The following CFAP77 variants were observed in gnomAD, a reference collection of about 807,000 sequenced individuals.
CFAP77 encodes the protein cilia and flagella associated protein 77, also known as cilia- and flagella-associated protein 77.
A neutral mutation model predicts 31.1 loss-of-function variants in CFAP77; 25 were observed. The ratio of observed to expected loss-of-function variants is 0.80; its 90% confidence interval spans 0.59 to 1.12. The LOEUF (loss-of-function observed/expected upper bound fraction) is 1.12. Among genes scored for constraint, CFAP77 ranks in the 50% most tolerant of loss-of-function variants. The pLI, the probability that CFAP77 is intolerant of heterozygous loss-of-function variation, is 0.00. For missense variants in CFAP77, 377 were observed against 397.3 expected (o/e 0.95, Z 0.44); for synonymous variants, 151 against 159.9 (o/e 0.94, Z 0.42).
rs59890652 is a variant in CFAP77, at chr9:132,461,090, T to C, written c.196-37605T>C. On this transcript the variant is annotated intron_variant, in intron 1 of 5. Transcript: ENST00000393216. ...TAAAAAAAAATTAATGTAAAAAATG[T>C]ATGCTCATTTATTTACTCAAAGCCC... Among the ~76,000 whole-genome samples the C allele has an allele frequency of 8.8e-3, 1,345 of 152,304 alleles. 24 individuals carry two copies. Among genetic ancestry groups the C allele is most frequent in the African/African-American group, 0.031 (1,273 of 41,554 alleles).
chr9:132,452,757 G>C (rs925346071), intron 1 of CFAP77, among the ~76,000 whole-genome samples: 1 of 152,100 alleles, frequency 6.6e-6, no homozygotes, highest in Non-Finnish European at 1.5e-5. Context: ...CTGAGATGGG[G>C]TGCCTCATGC....
Position 132,441,694 on chromosome 9 carries a change from G to A in CFAP77, c.195+31228G>A, listed in dbSNP as rs77176870. 8.5e-4 allele frequency among the ~76,000 whole-genome samples: 129 copies of A among 152,300 alleles called. 1 individual carries two copies. The East Asian group carries it at 0.022, about 26-fold the overall frequency. On this transcript the variant is annotated intron_variant, in intron 1 of 5. Coordinates refer to ENST00000393216, the MANE Select transcript of CFAP77 (RefSeq NM_001282957.2). ...GGAAGTGCTTAGGCTGCCTCGGTGC[G>A]CGGAGGCAGAGTGAGCAGTGAGTTC... is the stretch of plus-strand genomic sequence containing the variant.
At chr9:132,473,370 C>G (rs796582728) in intron 1 of CFAP77, among the ~76,000 whole-genome samples, 3 of 152,304 alleles carry the variant, frequency 2.0e-5, no homozygotes, top group African/African-American at 7.2e-5. Context: ...CCCTCAGAGG[C>G]AGTTACTATT....
intron 5 of CFAP77, among the ~76,000 whole-genome samples, chr9:132,550,686 AT>A (rs576931012): frequency 2.2e-3 from 322 of 148,274 alleles, no homozygotes; most frequent in African/African-American, 7.2e-3. Context: ...CTAATTTTTA[AT>A]TTTTTTTTTG....
intron 1 of CFAP77, among the ~76,000 whole-genome samples, chr9:132,472,427 G>A (rs1200525943): frequency 6.6e-6 from 1 of 152,186 alleles, no homozygotes; most frequent in Non-Finnish European, 1.5e-5. Flanking sequence ...AGTGATAAGT[G>A]TGCTCATGAT....
At chr9:132,488,068 C>T (rs1170032296) in intron 1 of CFAP77, among the ~76,000 whole-genome samples, 3 of 152,146 alleles carry the variant, frequency 2.0e-5, no homozygotes, top group Non-Finnish European at 4.4e-5. Flanking sequence ...CATATAACTG[C>T]GCTTTAACAA....
rs34927880 is a variant in CFAP77, at chr9:132,535,711, C to CAATAAATA, written c.525-1859_525-1852dup. ...TGGGTGGCAGCGTGAGACTCCACCT[C>CAATAAATA]AATAAATAAATAAATAAATAAATAA... On this transcript the variant is annotated intron_variant, in intron 3 of 5. Transcript: ENST00000393216. Among the ~76,000 whole-genome samples, 1,316 of 148,052 alleles carry CAATAAATA rather than the reference C, an allele frequency of 8.9e-3. 22 individuals are homozygous for CAATAAATA. The highest frequency in any genetic ancestry group is 0.028 in the African/African-American group (1,117 of 39,492).
intron 1 of CFAP77, among the ~76,000 whole-genome samples, chr9:132,461,867 C>G (rs1245381034): frequency 1.3e-5 from 2 of 152,340 alleles, no homozygotes; most frequent in East Asian, 3.9e-4. Context: ...CGTTTCTGCT[C>G]TAGAGCCTGC....
At position 132,429,435 on chromosome 9, in the gene CFAP77, G is replaced by C. The variant is rs1850368134; in HGVS notation, c.195+18969G>C. On this transcript the variant is annotated intron_variant, in intron 1 of 5. Coordinates refer to ENST00000393216, the MANE Select transcript of CFAP77 (RefSeq NM_001282957.2). The stretch of plus-strand genomic sequence containing the variant: ...TTCCTGTAGTCCCAGCTACTTGGGA[G>C]GCTGAGGCAGGAGAATCGCTTGAAC... Among the ~76,000 whole-genome samples, 4 of 151,458 alleles carry C rather than the reference G, an allele frequency of 2.6e-5. No individual in the cohort carries two copies. In the South Asian group the frequency reaches 8.3e-4, roughly 32 times the overall value.
intron 1 of CFAP77, among the ~76,000 whole-genome samples, chr9:132,429,063 T>C (rs185312800): frequency 1.3e-5 from 2 of 152,252 alleles, no homozygotes; most frequent in African/African-American, 2.4e-5. Context: ...TTTTCTCAAA[T>C]GTTTGCCTAT....
intron 3 of CFAP77, chr9:132,513,527 C>T (rs905865978): frequency 6.7e-5 from 46 of 681,628 alleles, no homozygotes; most frequent in African/African-American, 6.5e-4. Flanking sequence ...CTGTCGTTAG[C>T]GATCCATAAA....
chr9:132,439,949 C>T (rs1334276127), intron 1 of CFAP77, among the ~76,000 whole-genome samples: 1 of 151,836 alleles, frequency 6.6e-6, no homozygotes, highest in Non-Finnish European at 1.5e-5. Flanking sequence ...GATCACCACT[C>T]AGGGAGGAAT....
Position 132,526,446 on chromosome 9 carries a change from A to G in CFAP77, c.525-11155A>G, listed in dbSNP as rs556930743. Among the ~76,000 whole-genome samples, 1,280 of 151,894 alleles carry G rather than the reference A, an allele frequency of 8.4e-3. 20 individuals are homozygous for G. Among genetic ancestry groups the G allele is most frequent in the African/African-American group, 0.03 (1,228 of 41,440 alleles). ...ACGGGGTTTCACCGTGTTAGCCAGG[A>G]TGGTCTCGATCTCCTGACTTCGTGA... On this transcript the variant is annotated intron_variant, in intron 3 of 5. Coordinates refer to ENST00000393216, the MANE Select transcript of CFAP77 (RefSeq NM_001282957.2).
intron 1 of CFAP77, among the ~76,000 whole-genome samples, chr9:132,465,963 G>C (rs1405232242): frequency 1.3e-5 from 2 of 152,150 alleles, no homozygotes; most frequent in Non-Finnish European, 1.5e-5. Flanking sequence ...AGAACATTTT[G>C]GTCTGCCTTT....
rs61265124 is a variant in CFAP77 at position 132,485,985 on chromosome 9, CATATATAT to C, written c.196-12661_196-12654del. 1.6e-3 allele frequency among the ~76,000 whole-genome samples: 85 copies of C among 53,538 alleles called. 1 individual carries two copies. Among genetic ancestry groups the C allele is most frequent in the African/African-American group, 2.6e-3 (31 of 11,954 alleles). The allele number at this position is 53,538 out of a possible 152,430, so 35.1% of individuals were successfully genotyped here. The stretch of plus-strand genomic sequence containing the variant: ...TGCTGGGATTTGAGAACACACACCT[CATATATAT>C]ATATATATATATATATATATATATA... On this transcript the variant is annotated intron_variant, in intron 1 of 5. Transcript: ENST00000393216.
chr9:132,547,010 G>C (rs1205609137), intron 5 of CFAP77, among the ~76,000 whole-genome samples: 6 of 152,256 alleles, frequency 3.9e-5, no homozygotes, highest in Non-Finnish European at 8.8e-5. Flanking sequence ...AGGGGGAGCA[G>C]CTCAGATCCT....
At chr9:132,474,626 C>T (rs1228130929) in intron 1 of CFAP77, among the ~76,000 whole-genome samples, 3 of 152,096 alleles carry the variant, frequency 2.0e-5, no homozygotes, top group South Asian at 2.1e-4. Context: ...GGTGGCAGGG[C>T]CACTCAGTTC....
At position 132,554,939 on chromosome 9, in the gene CFAP77, C is replaced by CCCACCCAT. The variant is rs1375296685; in HGVS notation, c.732+11895_732+11896insCCCATCCA. Among the ~76,000 whole-genome samples, 374 of 146,686 alleles carry CCCACCCAT rather than the reference C, an allele frequency of 2.5e-3. 1 individual carries two copies. The highest frequency in any genetic ancestry group is 8.9e-3 in the African/African-American group (351 of 39,446). On this transcript the variant is annotated intron_variant, in intron 5 of 5. Coordinates refer to ENST00000393216, the MANE Select transcript of CFAP77 (RefSeq NM_001282957.2). This position sits in a 1 kb window ranked among gnomAD's most constrained non-coding sequence, Gnocchi z 4.1. ...ATGCATGCATGCATCCATCCATCCA[C>CCCACCCAT]CCATCCATCCATCCATCCATCCATC... is the stretch of plus-strand genomic sequence containing the variant.
rs1257877372 is a variant in CFAP77, at chr9:132,495,694, C to G, written c.196-3001C>G. ...GCTGTATGAACTGCATGTCTGTGTA[C>G]CCCTAAAATTCAAAACCTAACTTTG... On this transcript the variant is annotated intron_variant, in intron 1 of 5. Coordinates refer to ENST00000393216, the MANE Select transcript of CFAP77 (RefSeq NM_001282957.2). This position sits in a 1 kb window ranked among gnomAD's most constrained non-coding sequence, Gnocchi z 4.2. Among the ~76,000 whole-genome samples the G allele has an allele frequency of 2.0e-5, 3 of 152,188 alleles. No homozygotes were observed. The highest frequency in any genetic ancestry group is 4.4e-5 in the Non-Finnish European group (3 of 68,046).
Sources: allele counts gnomAD v4.1 joint callset (sites outside exome capture counted in the v4.1 genomes callset), GRCh38; gene constraint gnomAD v4.1.1; non-coding constraint Gnocchi (gnomAD v3.1); transcripts MANE v1.5; gene names NCBI Gene and HGNC (gene_info 2026-07-23, HGNC 2026-07-21).